SOX5: variants seen among roughly 807,000 people sequenced by gnomAD.
The protein encoded by SOX5 is transcription factor SOX-5.
In SOX5, 9 loss-of-function variants were observed where a neutral mutation model predicts 92.0. The observed-to-expected ratio is 0.10, with a 90% confidence interval of 0.06 to 0.17. The LOEUF is 0.17. SOX5 is among the 10% of genes least tolerant of loss of function. SOX5 has a pLI of 1.00. For synonymous variants in SOX5, 344 were observed against 336.3 expected, an observed-to-expected ratio of 1.02 and a Z score of -0.25; for missense variants, 642 against 944.5, an observed-to-expected ratio of 0.68 and a Z score of 4.20.
intron 10 of SOX5, among the ~76,000 whole-genome samples, chr12:23,571,304 T>G (rs1948343652): frequency 6.6e-6 from 1 of 152,118 alleles, no homozygotes; most frequent in South Asian, 2.1e-4. Context: ...GCCCTTTGTT[T>G]TACTGGGTCA....
intron 3 of SOX5, among the ~76,000 whole-genome samples, chr12:23,785,857 A>C (rs1362286447): frequency 2.0e-5 from 3 of 152,142 alleles, no homozygotes; most frequent in Non-Finnish European, 4.4e-5. Flanking sequence ...AAAGTAAGCA[A>C]TAGAAGAATT....
intron 4 of SOX5, among the ~76,000 whole-genome samples, chr12:23,750,721 G>T (rs2094154138): frequency 6.6e-6 from 1 of 151,790 alleles, no homozygotes. Flanking sequence ...GATTAAATAT[G>T]TAAGAGTTTA....
At chr12:24,439,809 G>A (rs938089082) in intron 1 of SOX5, among the ~76,000 whole-genome samples, 1 of 151,970 alleles carries the variant, frequency 6.6e-6, no homozygotes, top group East Asian at 1.9e-4. Context: ...GCAGGAGAAT[G>A]GTGTGAACCC....
At chr12:24,516,618 G>A (rs2138404236) in intron 1 of SOX5, among the ~76,000 whole-genome samples, 1 of 152,222 alleles carries the variant, frequency 6.6e-6, no homozygotes, top group South Asian at 2.1e-4. Flanking sequence ...GCTTATCAAA[G>A]AGCTCCTGAT....
In SOX5 at chr12:23,997,872, T is replaced by G. The variant is rs192665926; in HGVS notation, c.-1-101848A>C. 4.6e-5 allele frequency among the ~76,000 whole-genome samples: 7 copies of G among 152,266 alleles called. No homozygotes were observed. In the East Asian group the frequency reaches 1.4e-3, roughly 29 times the overall value. ...TAGGCAGAGACATCAGTTATACCCATTAGAGACAACATAGAATTTCCAAAA... is the reference window on the plus strand; with the variant it reads ...TAGGCAGAGACATCAGTTATACCCAGTAGAGACAACATAGAATTTCCAAAA... On this transcript the variant is annotated intron_variant, in intron 4 of 4. Coordinates refer to the SOX5 transcript ENST00000446891.
intron 1 of SOX5, among the ~76,000 whole-genome samples, chr12:24,371,083 T>G (rs1184973679): frequency 6.6e-6 from 1 of 152,226 alleles, no homozygotes; most frequent in Non-Finnish European, 1.5e-5. Flanking sequence ...TACATGACCC[T>G]TACCTAATCA....
At chr12:24,455,252 T>A (rs1942870382) in intron 1 of SOX5, among the ~76,000 whole-genome samples, 1 of 152,196 alleles carries the variant, frequency 6.6e-6, no homozygotes, top group Non-Finnish European at 1.5e-5. Context: ...TGAACATCAT[T>A]GACGCAGGAA....
At chr12:24,326,689 T>A (rs1312022021) in intron 2 of SOX5, among the ~76,000 whole-genome samples, 2 of 152,032 alleles carry the variant, frequency 1.3e-5, no homozygotes, top group African/African-American at 4.8e-5. Context: ...TCAGGTGGCA[T>A]CCTAAATTTC....
chr12:24,487,175 T>G (rs1487489666), intron 1 of SOX5, among the ~76,000 whole-genome samples: 1 of 152,174 alleles, frequency 6.6e-6, no homozygotes, highest in Admixed American at 6.6e-5. Context: ...AATGAAAATT[T>G]GATCAAAGAA....
In SOX5 at chr12:23,895,843, T is replaced by C. The variant is rs759831167; in HGVS notation, c.220A>G (p.Thr74Ala). 6.2e-7 allele frequency: 1 copy of C among 1,614,112 alleles called. No homozygotes were observed. Among genetic ancestry groups the C allele is most frequent in the Admixed American group, 1.7e-5 (1 of 60,020 alleles). Residue 74 changes from threonine (T) to alanine (A), a missense_variant, in exon 2 of 15, where the codon ACG (threonine) becomes GCG (alanine). Transcript: ENST00000451604. ...GTCCTATGGCCACAAGTCTCTTGCGTCAGCAGAGAAACTGGCTGAAATTCC... is the reference window on the plus strand; with the variant it reads ...GTCCTATGGCCACAAGTCTCTTGCGCCAGCAGAGAAACTGGCTGAAATTCC... ...SEEFQPVSLL[T>A]QETCGHRTPT...
chr12:23,579,062 G>A (rs1949677332), intron 9 of SOX5, among the ~76,000 whole-genome samples: 2 of 152,166 alleles, frequency 1.3e-5, no homozygotes, highest in East Asian at 3.8e-4. Flanking sequence ...GTATAGTGAG[G>A]GGGGAATGGC....
chr12:23,781,205 C>A (rs1004424403), intron 3 of SOX5, among the ~76,000 whole-genome samples: 1 of 151,836 alleles, frequency 6.6e-6, no homozygotes, highest in Non-Finnish European at 1.5e-5. Context: ...CTCAACTTTT[C>A]TGTACTTCCT....
chr12:23,861,144 A>G (rs1240372736), intron 2 of SOX5, among the ~76,000 whole-genome samples: 1 of 152,080 alleles, frequency 6.6e-6, no homozygotes, highest in African/African-American at 2.4e-5. Flanking sequence ...ACTAAGGGAT[A>G]AAATGAGAAA....
intron 6 of SOX5, among the ~76,000 whole-genome samples, chr12:23,673,432 A>C (rs1253875523): frequency 6.6e-6 from 1 of 152,152 alleles, no homozygotes; most frequent in Non-Finnish European, 1.5e-5. Flanking sequence ...CAGAATCAAG[A>C]TTTGCAAATA....
intron 1 of SOX5, chr12:24,368,744 T>C (rs182636418): frequency 6.6e-5 from 10 of 152,352 alleles, no homozygotes; most frequent in Non-Finnish European, 1.5e-4. Flanking sequence ...TAACCATCCA[T>C]ATATCAACCT....
intron 3 of SOX5, among the ~76,000 whole-genome samples, chr12:24,258,591 C>T (rs1451171150): frequency 6.6e-6 from 1 of 151,930 alleles, no homozygotes; most frequent in Admixed American, 6.6e-5. Flanking sequence ...TCTGGCTGTT[C>T]CAGTAAAAAA....
chr12:23,939,115 C>T (rs1740327760), intron 1 of SOX5, among the ~76,000 whole-genome samples: 1 of 150,832 alleles, frequency 6.6e-6, no homozygotes, highest in Admixed American at 6.6e-5. Context: ...TTTTTAAGTC[C>T]ATTCATAGAC....
chr12:24,525,423 T>A (rs1234562271), intron 1 of SOX5, among the ~76,000 whole-genome samples: 1 of 152,210 alleles, frequency 6.6e-6, no homozygotes, highest in Non-Finnish European at 1.5e-5. Flanking sequence ...AAGCGCCAGT[T>A]AAGCAGGATG....
chr12:24,023,339 C>A (rs570963821), intron 4 of SOX5, among the ~76,000 whole-genome samples: 13 of 152,142 alleles, frequency 8.5e-5, no homozygotes, highest in Admixed American at 5.2e-4. Flanking sequence ...ACTTGATCTG[C>A]ATATTTAAGA....
Sources: allele counts gnomAD v4.1 joint callset (sites outside exome capture counted in the v4.1 genomes callset), GRCh38; gene constraint gnomAD v4.1.1; transcripts MANE v1.5; gene names NCBI Gene and HGNC (gene_info 2026-07-23, HGNC 2026-07-21).